Variants in ADAM12 observed in about 807,000 individuals in gnomAD.
ADAM12 encodes disintegrin and metalloproteinase domain-containing protein 12.
ADAM12 carries 70 observed loss-of-function variants against 106.4 expected under a neutral mutation model. The ratio of observed to expected loss-of-function variants is 0.66; its 90% CI spans 0.54 to 0.80. ADAM12 has a LOEUF of 0.80. Ranked by LOEUF, ADAM12 falls within the 30% of genes least tolerant of loss-of-function variation. The pLI, the probability that ADAM12 is intolerant of heterozygous loss-of-function variation, is 0.00. For missense variants in ADAM12, 1,010 were observed against 1,171.9 expected (o/e 0.86, Z 2.02); for synonymous variants, 420 against 433.5 (o/e 0.97, Z 0.39).
intron 1 of ADAM12, among the ~76,000 whole-genome samples, chr10:126,339,425 G>C (rs1053638932): frequency 6.6e-6 from 1 of 152,146 alleles, no homozygotes; most frequent in African/African-American, 2.4e-5. Context: ...CACGTGTCTG[G>C]ATGACTGACT....
intron 14 of ADAM12, among the ~76,000 whole-genome samples, chr10:126,055,643 T>C (rs1954613768): frequency 6.6e-6 from 1 of 152,198 alleles, no homozygotes. Flanking sequence ...GATCCAGCCA[T>C]GATCCTGTGC....
In ADAM12 at chr10:126,048,606, T is replaced by G. The variant is rs116083787; in HGVS notation, c.1917+647A>C. 6.3e-3 allele frequency among the ~76,000 whole-genome samples: 963 copies of G among 151,768 alleles called. 15 individuals carry two copies. Among genetic ancestry groups the G allele is most frequent in the African/African-American group, 0.022 (918 of 41,354 alleles). ...TAAGAAGCATTTGGGGGTTGTTTCA[T>G]CCTTTTCTTAAAACATTGTATTCGC... On this transcript the variant is annotated intron_variant, in intron 16 of 22. Transcript: ENST00000448723.
chr10:126,216,174 CTG>C (rs1957983983), intron 3 of ADAM12, among the ~76,000 whole-genome samples: 2 of 152,234 alleles, frequency 1.3e-5, no homozygotes, highest in African/African-American at 4.8e-5. Context: ...GATGTGCCCT[CTG>C]TAGACATGTC....
chr10:126,238,326 A>G (rs973094285), intron 3 of ADAM12, among the ~76,000 whole-genome samples: 1 of 152,170 alleles, frequency 6.6e-6, no homozygotes, highest in African/African-American at 2.4e-5. Flanking sequence ...CTAAAAATAC[A>G]AAAATTAGCC....
chr10:126,036,243 G>A lies in ADAM12; in HGVS notation c.2432C>T (p.Ser811Leu). Residue 811 changes from serine (S) to leucine (L), a missense_variant, in exon 21 of 23, where the codon TCA (serine) becomes TTA (leucine). Ser to Leu is a moderately radical substitution (Grantham distance 145). This residue lies in a region of ADAM12 where 615 missense variants were observed against 708.5 expected (regional missense o/e 0.87). Transcript: ENST00000448723. ...LNGLNVPQPQ[S>L]TQRVLPPLHR... ...GAGGGGAGGAAGCACTCGCTGAGTTGACTGGGGCTGAGGGACATTCAGGCC... is the reference window on the plus strand; with the variant it reads ...GAGGGGAGGAAGCACTCGCTGAGTTAACTGGGGCTGAGGGACATTCAGGCC... 6.4e-7 allele frequency: 1 copy of A among 1,555,128 alleles called. No homozygotes were observed. Among genetic ancestry groups the A allele is most frequent in the South Asian group, 1.2e-5 (1 of 82,194 alleles).
chr10:126,102,934 C>A (rs1047412846), intron 8 of ADAM12, among the ~76,000 whole-genome samples: 3 of 152,098 alleles, frequency 2.0e-5, no homozygotes, highest in Admixed American at 6.5e-5. Flanking sequence ...AAAGCAGAAA[C>A]GGAGGCGATC....
chr10:126,105,728 T>A (rs1001880897), intron 8 of ADAM12, among the ~76,000 whole-genome samples: 9 of 152,236 alleles, frequency 5.9e-5, no homozygotes, highest in Admixed American at 5.9e-4. Context: ...GGTCCAGTTC[T>A]AACTGCCGTG....
rs533122956 is a variant in ADAM12, at chr10:126,169,054, A to G, written c.261-13749T>C. On this transcript the variant is annotated intron_variant, in intron 3 of 22. Coordinates refer to ENST00000448723, the MANE Select transcript of ADAM12 (RefSeq NM_001288973.2). ...GGCCACAGAGTGGGACTCCGTCTCGAAAAAAAACCCAAAAAGCAAAAAACA... is the reference window on the plus strand; with the variant it reads ...GGCCACAGAGTGGGACTCCGTCTCGGAAAAAAACCCAAAAAGCAAAAAACA... Among the ~76,000 whole-genome samples, 29 of 151,942 alleles carry G rather than the reference A, an allele frequency of 1.9e-4. 2 individuals carry two copies. In the South Asian group the frequency reaches 5.6e-3, roughly 29 times the overall value.
chr10:126,232,301 G>A (rs1426195130), intron 3 of ADAM12, among the ~76,000 whole-genome samples: 3 of 151,950 alleles, frequency 2.0e-5, no homozygotes, highest in Non-Finnish European at 4.4e-5. Context: ...GGAGGATGAG[G>A]TCAAGAACCA....
At chr10:126,231,536 T>A (rs1958311264) in intron 3 of ADAM12, among the ~76,000 whole-genome samples, 1 of 152,202 alleles carries the variant, frequency 6.6e-6, no homozygotes, top group Non-Finnish European at 1.5e-5. Context: ...GGTCGTGATG[T>A]GCTGCTTTTC....
At chr10:126,060,568 G>A (rs1285958578) in intron 14 of ADAM12, among the ~76,000 whole-genome samples, 3 of 152,092 alleles carry the variant, frequency 2.0e-5, no homozygotes, top group Non-Finnish European at 4.4e-5. Flanking sequence ...CTCCTGGGTG[G>A]GGAAATACTG....
At chr10:126,127,685 G>A (rs181519191) in intron 5 of ADAM12, among the ~76,000 whole-genome samples, 3 of 152,348 alleles carry the variant, frequency 2.0e-5, no homozygotes, top group East Asian at 1.9e-4. Context: ...AGACAGGGAC[G>A]TAAACACATA....
At chr10:126,170,021 G>GC (rs111829229) in intron 3 of ADAM12, among the ~76,000 whole-genome samples, 14,744 of 152,126 alleles carry the variant, frequency 0.097, 2,041 homozygotes, top group African/African-American at 0.3. Flanking sequence ...ATGCATTTCA[G>GC]CCTGTTTCCT....
At chr10:126,267,572 C>A (rs1234262941) in intron 3 of ADAM12, among the ~76,000 whole-genome samples, 3 of 152,090 alleles carry the variant, frequency 2.0e-5, no homozygotes, top group African/African-American at 7.2e-5. Flanking sequence ...CAAGAGGGTT[C>A]ATTCTCCTAT....
chr10:126,300,965 C>T (rs1018459145), intron 2 of ADAM12, among the ~76,000 whole-genome samples: 19 of 152,130 alleles, frequency 1.2e-4, no homozygotes, highest in Non-Finnish European at 1.8e-4. Context: ...AAATAAGCAA[C>T]GACTTAAATA....
intron 3 of ADAM12, among the ~76,000 whole-genome samples, chr10:126,232,128 T>C (rs987874555): frequency 3.9e-5 from 6 of 152,116 alleles, no homozygotes; most frequent in Non-Finnish European, 8.8e-5. Flanking sequence ...GTTACTTCAT[T>C]TACCAAAAGG....
At chr10:126,342,990 C>T (rs1854987932) in intron 1 of ADAM12, among the ~76,000 whole-genome samples, 4 of 152,192 alleles carry the variant, frequency 2.6e-5, no homozygotes, top group South Asian at 4.1e-4. Flanking sequence ...TCCCTTCATT[C>T]AGCAACGACC....
At chr10:126,268,236 T>C (rs1959139156) in intron 3 of ADAM12, among the ~76,000 whole-genome samples, 1 of 152,244 alleles carries the variant, frequency 6.6e-6, no homozygotes, top group Non-Finnish European at 1.5e-5. Flanking sequence ...ATAATATTTG[T>C]CCTTTAGTGT....
chr10:126,324,061 C>T (rs1421942988), intron 2 of ADAM12, among the ~76,000 whole-genome samples: 2 of 152,214 alleles, frequency 1.3e-5, no homozygotes, highest in African/African-American at 4.8e-5. Flanking sequence ...GGGATGTGAT[C>T]ACCTATGTCA....
Sources: gnomAD v4.1 joint callset for allele counts (sites outside exome capture counted in the v4.1 genomes callset) on GRCh38, gnomAD v4.1.1 for gene constraint, gnomAD v4.1.1 regional missense constraint, MANE v1.5 for transcripts, NCBI Gene and HGNC (gene_info 2026-07-23, HGNC 2026-07-21) for gene names.